The following ELFN1 variants were observed in gnomAD, a reference collection of about 807,000 sequenced individuals.
ELFN1 encodes extracellular leucine rich repeat and fibronectin type III domain containing 1.
ELFN1 carries 6 observed loss-of-function variants against 7.6 expected under a neutral mutation model. The observed-to-expected ratio is 0.79, with a 90% CI of 0.43 to 1.56. The LOEUF is 1.56. ELFN1 is among the 40% of genes most tolerant of loss of function. The probability of loss-of-function intolerance (pLI) is 0.01; values close to 1 mark genes in which losing one functional copy is unlikely to be tolerated. For synonymous variants in ELFN1, 657 were observed against 588.1 expected, an observed-to-expected ratio of 1.12 and a Z score of -1.70; for missense variants, 1,169 against 1,232.2, an observed-to-expected ratio of 0.95 and a Z score of 0.77.
chr7:1,696,900 C>A (rs1225108364), intron 2 of ELFN1, among the ~76,000 whole-genome samples: 3 of 152,162 alleles, frequency 2.0e-5, no homozygotes, highest in African/African-American at 7.2e-5. Context: ...ATGACTCGAG[C>A]AAAGGAAGGC....
At chr7:1,671,382 C>T (rs1283951905) in intron 1 of ELFN1, among the ~76,000 whole-genome samples, 1 of 152,246 alleles carries the variant, frequency 6.6e-6, no homozygotes, top group Non-Finnish European at 1.5e-5. Context: ...AAAAAGCCTC[C>T]GTGCCAGCAC....
At chr7:1,667,764 G>A (rs970157595), upstream of ELFN1, among the ~76,000 whole-genome samples, 3 of 152,280 alleles carry the variant, frequency 2.0e-5, no homozygotes, top group Admixed American at 1.3e-4. This position sits in a 1 kb window ranked among gnomAD's most constrained non-coding sequence, Gnocchi z 8.2. Context: ...TCACCGCCGC[G>A]TCCTCTCCCC....
chr7:1,745,582 C>T lies in ELFN1; in HGVS notation c.986C>T (p.Ala329Val), dbSNP rs1229867242. The T allele has an allele frequency of 6.4e-7, 1 of 1,550,698 alleles. No homozygotes were observed. Among genetic ancestry groups the T allele is most frequent in the Middle Eastern group, 1.7e-4 (1 of 5,990 alleles). ...IKVKQLTQNS[A>V]TITVQLPSPF... ...GTCAAGCAGCTCACTCAGAACTCGG[C>T]CACCATCACCGTCCAGCTGCCCAGC... Residue 329 changes from alanine (A) to valine (V), a missense_variant, in exon 4 of 4, where the codon GCC becomes GTC. Physicochemically the swap from Ala to Val is moderately conservative, Grantham distance 64. Around this residue, in one of 2 missense-constraint regions of ELFN1, gnomAD observed 914 missense variants for 872.6 expected, o/e 1.05. Transcript: ENST00000424383.
chr7:1,745,392 G>C lies in ELFN1; in HGVS notation c.796G>C (p.Ala266Pro). 1 of 1,538,902 alleles carries C rather than the reference G, an allele frequency of 6.5e-7. No homozygotes were observed. Among genetic ancestry groups the C allele is most frequent in the Non-Finnish European group, 8.7e-7 (1 of 1,145,850 alleles). ...AAEVVGPPRP[A>P]SGRSQPGRSP... ...TGAGGTGGTCGGGCCCCCACGTCCA[G>C]CATCCGGGCGCTCACAGCCGGGCCG... The change falls in exon 4 of 4, where the codon GCA becomes CCA. Residue 266 changes from alanine to proline, a missense_variant. Transcript: ENST00000424383.
intron 3 of ELFN1, among the ~76,000 whole-genome samples, chr7:1,734,552 G>A (rs1046500878): frequency 1.1e-4 from 17 of 152,106 alleles, no homozygotes; most frequent in African/African-American, 1.4e-4. Flanking sequence ...CGCTCTGGTC[G>A]GGAGGAGGCA....
intron 3 of ELFN1, among the ~76,000 whole-genome samples, chr7:1,714,005 C>G (rs2128589569): frequency 6.6e-6 from 1 of 152,322 alleles, no homozygotes; most frequent in Non-Finnish European, 1.5e-5. Flanking sequence ...ACAGCACGAG[C>G]TAATCAGCAA....
intron 2 of ELFN1, among the ~76,000 whole-genome samples, chr7:1,699,868 T>C (rs1779390311): frequency 1.3e-5 from 2 of 150,988 alleles, no homozygotes; most frequent in Non-Finnish European, 1.5e-5. Context: ...CGTGCCCTGC[T>C]AATTTTTGTA....
At chr7:1,733,495 A>G (rs928666763) in intron 3 of ELFN1, among the ~76,000 whole-genome samples, 1 of 152,068 alleles carries the variant, frequency 6.6e-6, no homozygotes, top group African/African-American at 2.4e-5. Flanking sequence ...GGGTTATGAT[A>G]GAACTTTCTA....
rs1205336060 is a variant in ELFN1 at position 1,740,938 on chromosome 7, T to C, written c.-293-3366T>C. Among the ~76,000 whole-genome samples the C allele has an allele frequency of 2.0e-5, 3 of 152,152 alleles. No homozygotes were observed. The highest frequency in any genetic ancestry group is 7.2e-5 in the African/African-American group (3 of 41,454). Reference sequence around the variant, plus strand: ...TGAGGTCAGGAGTTCGAAACCAGCCTGACCAATATGGTGAAACCCTGTCTC... The same window carrying C: ...TGAGGTCAGGAGTTCGAAACCAGCCCGACCAATATGGTGAAACCCTGTCTC... On this transcript the variant is annotated intron_variant, in intron 3 of 3. Coordinates refer to ENST00000424383, the MANE Select transcript of ELFN1 (RefSeq NM_001128636.4). The surrounding 1 kb of genome is among the most constrained non-coding windows in gnomAD (Gnocchi z 5.0).
At chr7:1,693,303 G>C (rs989420441) in intron 2 of ELFN1, 5 of 457,172 alleles carry the variant, frequency 1.1e-5, no homozygotes, top group African/African-American at 2.0e-5. Context: ...ACGCCCATCG[G>C]GGCAGCCTCA....
At chr7:1,683,285 C>A (rs1245366363) in intron 1 of ELFN1, among the ~76,000 whole-genome samples, 1 of 151,874 alleles carries the variant, frequency 6.6e-6, no homozygotes, top group Non-Finnish European at 1.5e-5. Context: ...GGGAAGATTT[C>A]AAATTAATCA....
At chr7:1,702,350 G>C (rs2128584733) in intron 2 of ELFN1, among the ~76,000 whole-genome samples, 1 of 152,034 alleles carries the variant, frequency 6.6e-6, no homozygotes, top group Non-Finnish European at 1.5e-5. Context: ...TGTGAACTGG[G>C]AGGCGGTGGT....
rs568015707 is a variant in ELFN1 at position 1,747,219 on chromosome 7, C to T, written c.*136C>T. 15 of 1,026,226 alleles carry T rather than the reference C, an allele frequency of 1.5e-5. No individual in the cohort carries two copies. Among genetic ancestry groups the T allele is most frequent in the South Asian group, 6.3e-5 (3 of 47,444 alleles). 63.6% of individuals were successfully genotyped at this position (1,026,226 alleles called of 1,614,324 possible). ...GGGCCCTGCAGAGGCGAGGGGGGAG[C>T]GAGTGGGGACAGACAAGGGGGACAC... On this transcript the variant is annotated 3_prime_UTR_variant, in exon 4 of 4. Transcript: ENST00000424383.
rs1312823715 is a variant in ELFN1 at position 1,673,272 on chromosome 7, G to T, written c.-549+2918G>T. 6.6e-6 allele frequency among the ~76,000 whole-genome samples: 1 copy of T among 152,186 alleles called. No homozygotes were observed. Among genetic ancestry groups the T allele is most frequent in the Admixed American group, 6.5e-5 (1 of 15,280 alleles). On this transcript the variant is annotated intron_variant, in intron 1 of 3. Coordinates refer to ENST00000424383, the MANE Select transcript of ELFN1 (RefSeq NM_001128636.4). The surrounding 1 kb of genome is among the most constrained non-coding windows in gnomAD (Gnocchi z 4.7). Reference sequence around the variant, plus strand: ...TGGGGAGACTGAGGCCCGGATTGGGGTGGGGCCGGAGAGGGTGGTGGAGGG... The same window carrying T: ...TGGGGAGACTGAGGCCCGGATTGGGTTGGGGCCGGAGAGGGTGGTGGAGGG...
At chr7:1,687,758 C>T (rs1779085169) in intron 1 of ELFN1, among the ~76,000 whole-genome samples, 1 of 151,950 alleles carries the variant, frequency 6.6e-6, no homozygotes, top group South Asian at 2.1e-4. Context: ...TTTTAAAAGC[C>T]TTTGATATTG....
At chr7:1,681,742 G>A (rs989020232) in intron 1 of ELFN1, among the ~76,000 whole-genome samples, 2 of 152,244 alleles carry the variant, frequency 1.3e-5, no homozygotes, top group African/African-American at 4.8e-5. Context: ...TCCAGCCCCT[G>A]CGTGTCTCTC....
chr7:1,710,615 C>A (rs1045906636), intron 3 of ELFN1, among the ~76,000 whole-genome samples: 1 of 152,148 alleles, frequency 6.6e-6, no homozygotes, highest in Non-Finnish European at 1.5e-5. Flanking sequence ...AAACTGAGGC[C>A]CGGGGGGCCA....
At chr7:1,693,911 G>A (rs569627978) in intron 2 of ELFN1, 41 of 399,562 alleles carry the variant, frequency 1.0e-4, no homozygotes, top group South Asian at 5.2e-4. Flanking sequence ...CTCCTCCTGC[G>A]TGCCGGCAAG....
chr7:1,692,201 ACTC>A (rs1289703830), intron 2 of ELFN1: 1 of 151,986 alleles, frequency 6.6e-6, no homozygotes, highest in Admixed American at 6.5e-5. Flanking sequence ...GCCAAGTAGC[ACTC>A]CTATTTTTAG....
Sources: allele counts gnomAD v4.1 joint callset (sites outside exome capture counted in the v4.1 genomes callset), GRCh38; gene constraint gnomAD v4.1.1; regional missense constraint gnomAD v4.1.1; non-coding constraint Gnocchi (gnomAD v3.1); transcripts MANE v1.5; gene names NCBI Gene and HGNC (gene_info 2026-07-23, HGNC 2026-07-21).